PTPRN2: variants seen among roughly 807,000 people sequenced by gnomAD.
PTPRN2 encodes the protein protein tyrosine phosphatase receptor type N2.
A neutral mutation model predicts 118.8 loss-of-function variants in PTPRN2; 74 were observed. The ratio of observed to expected loss-of-function variants is 0.62; its 90% CI spans 0.52 to 0.76. The LOEUF is 0.76. Ranked by LOEUF, PTPRN2 falls within the 30% of genes least tolerant of loss-of-function variation. The probability of loss-of-function intolerance (pLI) is 0.00; values close to 1 mark genes in which losing one functional copy is unlikely to be tolerated. For missense variants in PTPRN2, 1,481 were observed against 1,394.4 expected, an observed-to-expected ratio of 1.06 and a Z score of -0.99; for synonymous variants, 641 against 608.0, an observed-to-expected ratio of 1.05 and a Z score of -0.80.
At chr7:158,403,664 C>T (rs913691131) in intron 2 of PTPRN2, among the ~76,000 whole-genome samples, 6 of 152,244 alleles carry the variant, frequency 3.9e-5, no homozygotes, top group Middle Eastern at 3.4e-3. Flanking sequence ...GCAGGCAGTG[C>T]GGCAGCCGGG....
intron 2 of PTPRN2, among the ~76,000 whole-genome samples, chr7:158,429,766 G>A (rs551381533): frequency 6.6e-6 from 1 of 152,378 alleles, no homozygotes; most frequent in Admixed American, 6.5e-5. Context: ...ACAGATGGAT[G>A]CAGGAGTGGG....
At chr7:158,021,485 C>A (rs765540464) in intron 11 of PTPRN2, among the ~76,000 whole-genome samples, 1 of 152,120 alleles carries the variant, frequency 6.6e-6, no homozygotes, top group Non-Finnish European at 1.5e-5. Flanking sequence ...CACACGCACA[C>A]ACACAGAGGA....
At position 157,873,736 on chromosome 7, in the gene PTPRN2, T is replaced by C. The variant is rs566518461; in HGVS notation, c.1788+24937A>G. On this transcript the variant is annotated intron_variant, in intron 12 of 22. Transcript: ENST00000389418. ...TGTCCTCAAGCAGAATTTCCTGCGC[T>C]GGTCTCTGGGATGGGCAGAGGGCCC... Among the ~76,000 whole-genome samples, 65 of 152,202 alleles carry C rather than the reference T, an allele frequency of 4.3e-4. No homozygotes were observed. The East Asian group carries it at 0.012, about 28-fold the overall frequency.
rs866024977 is a variant in PTPRN2 at position 158,441,261 on chromosome 7, A to G, written c.163+48474T>C. On this transcript the variant is annotated intron_variant, in intron 2 of 22. Transcript: ENST00000389418. ...GGCAATGAAGGTGATGGTGATGGTG[A>G]TGGTGATAGTGATGGTGATGGTGGT... is the stretch of plus-strand genomic sequence containing the variant. 8.4e-4 allele frequency among the ~76,000 whole-genome samples: 52 copies of G among 61,748 alleles called. 2 individuals carry two copies. Among genetic ancestry groups the G allele is most frequent in the Middle Eastern group, 0.016 (1 of 64 alleles). The allele number at this position is 61,748 out of a possible 152,430, so 40.5% of individuals were successfully genotyped here. A position where few individuals can be genotyped will look rare whatever the true frequency, so the allele number is the denominator to read the frequency against.
At chr7:157,864,182 A>G (rs552766455) in intron 12 of PTPRN2, 3 of 152,372 alleles carry the variant, frequency 2.0e-5, no homozygotes, top group East Asian at 3.9e-4. Context: ...CTGTTCACAC[A>G]CAGGGTGTGA....
intron 3 of PTPRN2, among the ~76,000 whole-genome samples, chr7:158,286,419 A>C (rs1799773799): frequency 6.6e-6 from 1 of 152,316 alleles, no homozygotes; most frequent in African/African-American, 2.4e-5. Flanking sequence ...TAGCATCCTT[A>C]TCTGGTTCCT....
At position 157,585,504 on chromosome 7, in the gene PTPRN2, G is replaced by A. The variant is rs1488446844; in HGVS notation, c.2497-7364C>T. On this transcript the variant is annotated intron_variant, in intron 17 of 22. Transcript: ENST00000389418. This position sits in a 1 kb window ranked among gnomAD's most constrained non-coding sequence, Gnocchi z 5.2. ...CACACACTGGACTTCCTCTCCACCCGGCCTTTGTGTGACCACCGTGGGTGC... is the reference window on the plus strand; with the variant it reads ...CACACACTGGACTTCCTCTCCACCCAGCCTTTGTGTGACCACCGTGGGTGC... Among the ~76,000 whole-genome samples, 1 of 152,078 alleles carries A rather than the reference G, an allele frequency of 6.6e-6. No individual in the cohort carries two copies. The highest frequency in any genetic ancestry group is 1.5e-5 in the Non-Finnish European group (1 of 68,022).
At chr7:157,982,877 C>T (rs1165459666) in intron 11 of PTPRN2, among the ~76,000 whole-genome samples, 1 of 147,262 alleles carries the variant, frequency 6.8e-6, no homozygotes, top group Admixed American at 6.7e-5. Flanking sequence ...CCGGGTTCCC[C>T]CCTAAACCCC....
chr7:158,194,559 T>C (rs4416779), intron 4 of PTPRN2, among the ~76,000 whole-genome samples: 76,643 of 152,120 alleles, frequency 0.5, 21,079 homozygotes, highest in African/African-American at 0.74. Flanking sequence ...GGCCCCGGCG[T>C]CATGCCCCAC....
intron 2 of PTPRN2, among the ~76,000 whole-genome samples, chr7:158,448,023 G>C (rs866241205): frequency 6.6e-6 from 1 of 152,242 alleles, no homozygotes; most frequent in East Asian, 1.9e-4. Flanking sequence ...GACTCAGCAG[G>C]GCAGCAAGAG....
intron 11 of PTPRN2, among the ~76,000 whole-genome samples, chr7:158,047,405 G>T (rs1808961205): frequency 6.6e-6 from 1 of 152,274 alleles, no homozygotes; most frequent in Non-Finnish European, 1.5e-5. Context: ...CAACCAAAGA[G>T]GCTGGAGCCA....
At chr7:158,432,006 C>T (rs1239741898) in intron 2 of PTPRN2, among the ~76,000 whole-genome samples, 1 of 152,236 alleles carries the variant, frequency 6.6e-6, no homozygotes, top group Non-Finnish European at 1.5e-5. Flanking sequence ...CGTCCAGCAT[C>T]CTCAGAGTCC....
chr7:157,629,520 A>G lies in PTPRN2; in HGVS notation c.2197-8011T>C, dbSNP rs1000880097. Reference sequence around the variant, plus strand: ...TTTAAAAATGAGCAAAAGCCGGTCCATCTGGCATTATTTCTCATCAATCAA... The same window carrying G: ...TTTAAAAATGAGCAAAAGCCGGTCCGTCTGGCATTATTTCTCATCAATCAA... On this transcript the variant is annotated intron_variant, in intron 14 of 22. Transcript: ENST00000389418. The surrounding 1 kb of genome is among the most constrained non-coding windows in gnomAD (Gnocchi z 4.4). 3.9e-5 allele frequency among the ~76,000 whole-genome samples: 6 copies of G among 152,232 alleles called. No individual in the cohort carries two copies. The highest frequency in any genetic ancestry group is 3.3e-4 in the Admixed American group (5 of 15,288).
intron 2 of PTPRN2, among the ~76,000 whole-genome samples, chr7:158,371,481 T>G (rs998602457): frequency 6.6e-6 from 1 of 152,206 alleles, no homozygotes; most frequent in Middle Eastern, 3.2e-3. Context: ...AACATAAACT[T>G]AGCATAAGAA....
intron 22 of PTPRN2, among the ~76,000 whole-genome samples, chr7:157,545,177 GTGT>G (rs945809057): frequency 6.9e-6 from 1 of 144,444 alleles, no homozygotes; most frequent in Non-Finnish European, 1.5e-5. Flanking sequence ...TGGCTGAGTG[GTGT>G]TTGTGGGTGT....
chr7:157,873,386 C>T (rs1376139346), intron 12 of PTPRN2, among the ~76,000 whole-genome samples: 3 of 152,368 alleles, frequency 2.0e-5, no homozygotes, highest in East Asian at 3.9e-4. Flanking sequence ...CCCGGAGGGC[C>T]GCGCCCCGAG....
chr7:158,523,474 CTCTGCCCTGGAGTGGAGTCG>C (rs199612255), intron 1 of PTPRN2, among the ~76,000 whole-genome samples: 3,263 of 45,270 alleles, frequency 0.072, 53 homozygotes, highest in East Asian at 0.11. Context: ...GAGTGGAGTC[CTCTGCCCTGGAGTGGAGTCG>C]TCTGCCCTGG....
chr7:158,103,557 G>C (rs1815420815), intron 10 of PTPRN2, among the ~76,000 whole-genome samples: 1 of 152,192 alleles, frequency 6.6e-6, no homozygotes, highest in South Asian at 2.1e-4. Context: ...CACTTCCCTA[G>C]CATGAGTTGT....
Position 157,729,028 on chromosome 7 carries a change from CGTT to C in PTPRN2, c.1789-46094_1789-46092del, listed in dbSNP as rs1563046719. 6.6e-6 allele frequency among the ~76,000 whole-genome samples: 1 copy of C among 152,158 alleles called. No individual in the cohort carries two copies. Among genetic ancestry groups the C allele is most frequent in the East Asian group, 1.9e-4 (1 of 5,196 alleles). ...GTGATCCAGTCACACAGAGGTCGGT[CGTT>C]GTCTGGACACAGACAATGGGAATCT... is the stretch of plus-strand genomic sequence containing the variant. On this transcript the variant is annotated intron_variant, in intron 12 of 22. Coordinates refer to ENST00000389418, the MANE Select transcript of PTPRN2 (RefSeq NM_002847.5). This position sits in a 1 kb window ranked among gnomAD's most constrained non-coding sequence, Gnocchi z 4.3.
Sources: gnomAD v4.1 joint callset for allele counts (sites outside exome capture counted in the v4.1 genomes callset) on GRCh38, gnomAD v4.1.1 for gene constraint, Gnocchi (gnomAD v3.1) non-coding constraint, MANE v1.5 for transcripts, NCBI Gene and HGNC (gene_info 2026-07-23, HGNC 2026-07-21) for gene names.